ABI2: variants seen among roughly 807,000 people sequenced by gnomAD.
ABI2 encodes the protein abl interactor 2, also known as abelson interactor 2.
ABI2 carries 25 observed loss-of-function variants against 59.2 expected under a neutral mutation model. That is an observed-to-expected ratio of 0.42 (90% CI 0.31 to 0.59). The LOEUF (loss-of-function observed/expected upper bound fraction) is 0.59, where lower values mean the gene tolerates loss of function less well. Ranked by LOEUF, ABI2 falls within the 20% of genes least tolerant of loss-of-function variation. The pLI is 0.14. For synonymous variants in ABI2, 213 were observed against 235.5 expected (o/e 0.90, Z 0.87); for missense variants, 545 against 681.8 (o/e 0.80, Z 2.23).
intron 1 of ABI2, among the ~76,000 whole-genome samples, chr2:203,354,153 TC>T (rs759954738): frequency 2.6e-5 from 4 of 152,084 alleles, no homozygotes; most frequent in Non-Finnish European, 5.9e-5. Context: ...CAAGCCAACC[TC>T]CCACCTTGGC....
chr2:203,347,823 AGTT>A (rs769758269), intron 1 of ABI2, among the ~76,000 whole-genome samples: 1 of 152,196 alleles, frequency 6.6e-6, no homozygotes, highest in African/African-American at 2.4e-5. Context: ...AAGGCCTAGC[AGTT>A]GTTTGAGGAA....
At chr2:203,357,046 T>A (rs1362363318) in intron 1 of ABI2, among the ~76,000 whole-genome samples, 1 of 50,698 alleles carries the variant, frequency 2.0e-5, no homozygotes, top group Non-Finnish European at 7.4e-5. Context: ...TTTTAAAATT[T>A]TTGTCTGTTT....
chr2:203,427,415 C>T lies in ABI2; in HGVS notation c.*63C>T. On this transcript the variant is annotated 3_prime_UTR_variant, in exon 12 of 12. Transcript: ENST00000261018. ...AGGTCTTCCCAGATTATCTGAAGGCCCTGGGGATTCCACTCCAGTAAAGTA... is the reference window on the plus strand; with the variant it reads ...AGGTCTTCCCAGATTATCTGAAGGCTCTGGGGATTCCACTCCAGTAAAGTA... 7.1e-7 allele frequency: 1 copy of T among 1,403,002 alleles called. No homozygotes were observed. The highest frequency in any genetic ancestry group is 2.3e-5 in the East Asian group (1 of 42,968). The allele number at this position is 1,403,002 out of a possible 1,614,324, so 86.9% of individuals were successfully genotyped here.
rs547326031 is a variant in ABI2 at position 203,431,043 on chromosome 2, T to C, written c.*3691T>C. Reference sequence around the variant, plus strand: ...GTCACCTTTGCCTTTGAAAAAGGTTTGATGGAGGAATTCACAGGTGACTGA... The same window carrying C: ...GTCACCTTTGCCTTTGAAAAAGGTTCGATGGAGGAATTCACAGGTGACTGA... On this transcript the variant is annotated 3_prime_UTR_variant, in exon 12 of 12. Coordinates refer to ENST00000261018, the MANE Select transcript of ABI2 (RefSeq NM_001375670.1). 6.6e-4 allele frequency: 101 copies of C among 152,338 alleles called. No homozygotes were observed. Among genetic ancestry groups the C allele is most frequent in the African/African-American group, 2.4e-3 (98 of 41,578 alleles). 9.4% of individuals were successfully genotyped at this position (152,338 alleles called of 1,614,324 possible). A position where few individuals can be genotyped will look rare whatever the true frequency, so the allele number is the denominator to read the frequency against.
At chr2:203,339,964 T>C (rs2078927486) in intron 1 of ABI2, among the ~76,000 whole-genome samples, 1 of 152,212 alleles carries the variant, frequency 6.6e-6, no homozygotes, top group South Asian at 2.1e-4. Flanking sequence ...GAATACTGTA[T>C]TTGTTTGAAA....
intron 1 of ABI2, among the ~76,000 whole-genome samples, chr2:203,361,615 A>C (rs151077804): frequency 2.0e-4 from 31 of 152,318 alleles, no homozygotes; most frequent in Non-Finnish European, 2.9e-4. Context: ...GAAAACTAAA[A>C]AAAAGGAGAA....
intron 11 of ABI2, among the ~76,000 whole-genome samples, chr2:203,418,182 G>C (rs1432914642): frequency 6.6e-6 from 1 of 152,222 alleles, no homozygotes; most frequent in Non-Finnish European, 1.5e-5. Context: ...GTCCCCAGGA[G>C]ATGTGAGAGG....
chr2:203,406,110 T>C (rs1337707944), intron 9 of ABI2, among the ~76,000 whole-genome samples: 1 of 152,102 alleles, frequency 6.6e-6, no homozygotes, highest in Non-Finnish European at 1.5e-5. Flanking sequence ...TTGCCAGTGG[T>C]AAGGAGGGGG....
intron 1 of ABI2, among the ~76,000 whole-genome samples, chr2:203,354,245 T>C (rs2090669248): frequency 6.6e-6 from 1 of 152,170 alleles, no homozygotes; most frequent in South Asian, 2.1e-4. Flanking sequence ...GGTTTCGCCA[T>C]GTTGCCCAGG....
At chr2:203,349,791 T>G (rs901090860) in intron 1 of ABI2, among the ~76,000 whole-genome samples, 2 of 152,128 alleles carry the variant, frequency 1.3e-5, no homozygotes, top group African/African-American at 4.8e-5. Context: ...GTCAGTTGAT[T>G]GACATTCTGA....
chr2:203,411,433 T>G, intron 10 of ABI2, 62 bp downstream of exon 10: 2 of 1,271,416 alleles, frequency 1.6e-6, no homozygotes, highest in East Asian at 4.7e-5. Context: ...CATTTATATG[T>G]GATTGACTGG....
intron 2 of ABI2, among the ~76,000 whole-genome samples, chr2:203,371,561 T>TA (rs1353409092): frequency 2.0e-5 from 3 of 152,364 alleles, no homozygotes; most frequent in Non-Finnish European, 1.5e-5. Flanking sequence ...TGGTAAATTT[T>TA]AAAGAAATTT....
chr2:203,332,226 A>G (rs2074095887), intron 1 of ABI2, among the ~76,000 whole-genome samples: 1 of 152,176 alleles, frequency 6.6e-6, no homozygotes, highest in African/African-American at 2.4e-5. Flanking sequence ...CAGTTTGCTG[A>G]TATTTATCAG....
chr2:203,400,484 A>G (rs991924289), intron 8 of ABI2, among the ~76,000 whole-genome samples: 1 of 152,222 alleles, frequency 6.6e-6, no homozygotes, highest in Non-Finnish European at 1.5e-5. Flanking sequence ...TTAGTTTGCT[A>G]TAGATTAATT....
At chr2:203,418,384 G>A (rs558156002) in intron 11 of ABI2, among the ~76,000 whole-genome samples, 82 of 152,362 alleles carry the variant, frequency 5.4e-4, no homozygotes, top group African/African-American at 1.9e-3. Flanking sequence ...TGCAATCAAG[G>A]TATCAGCTGA....
chr2:203,392,457 T>C (rs2096797630), intron 5 of ABI2, among the ~76,000 whole-genome samples: 1 of 152,074 alleles, frequency 6.6e-6, no homozygotes, highest in South Asian at 2.1e-4. Flanking sequence ...AATAGGACAG[T>C]AGGAGACCAA....
At chr2:203,398,522 T>G (rs1220799142) in intron 8 of ABI2, among the ~76,000 whole-genome samples, 1 of 152,250 alleles carries the variant, frequency 6.6e-6, no homozygotes, top group East Asian at 1.9e-4. Context: ...ATACAGTACC[T>G]GAGTTACCAA....
At chr2:203,419,210 C>G (rs992999484) in intron 11 of ABI2, among the ~76,000 whole-genome samples, 5 of 150,582 alleles carry the variant, frequency 3.3e-5, no homozygotes, top group Non-Finnish European at 7.4e-5. Flanking sequence ...CCCGGGTTCA[C>G]GCCATTCTTC....
intron 2 of ABI2, among the ~76,000 whole-genome samples, chr2:203,373,034 A>G (rs1472603916): frequency 6.6e-6 from 1 of 152,034 alleles, no homozygotes; most frequent in East Asian, 1.9e-4. Flanking sequence ...AGCCACGCAG[A>G]GACGCTCCTC....
Sources: allele counts gnomAD v4.1 joint callset (sites outside exome capture counted in the v4.1 genomes callset), GRCh38; gene constraint gnomAD v4.1.1; transcripts MANE v1.5; gene names NCBI Gene and HGNC (gene_info 2026-07-23, HGNC 2026-07-21).